Variants in RORA observed in about 807,000 individuals in gnomAD.
RORA encodes the protein nuclear receptor ROR-alpha.
A neutral mutation model predicts 69.5 loss-of-function variants in RORA; 7 were observed. The observed-to-expected ratio is 0.10, with a 90% confidence interval of 0.06 to 0.19. The LOEUF (loss-of-function observed/expected upper bound fraction) is 0.19. RORA is among the 10% of genes least tolerant of loss of function. The probability of loss-of-function intolerance (pLI) is 1.00; values close to 1 mark genes in which losing one functional copy is unlikely to be tolerated. For synonymous variants in RORA, 261 were observed against 240.8 expected (o/e 1.08, Z -0.78); for missense variants, 457 against 663.0 (o/e 0.69, Z 3.41).
At chr15:61,159,026 G>T (rs1352010614) in intron 1 of RORA, among the ~76,000 whole-genome samples, 1 of 152,142 alleles carries the variant, frequency 6.6e-6, no homozygotes, top group Non-Finnish European at 1.5e-5. Context: ...TAAATCGCAA[G>T]CATGGTGTAA....
chr15:61,101,320 T>C (rs150797557), intron 1 of RORA, among the ~76,000 whole-genome samples: 59 of 152,100 alleles, frequency 3.9e-4, no homozygotes, highest in South Asian at 2.1e-3. Context: ...ACAAAGTAAA[T>C]GGAAGCAAAG....
intron 1 of RORA, among the ~76,000 whole-genome samples, chr15:61,019,083 T>G (rs771109068): frequency 6.6e-6 from 1 of 152,218 alleles, no homozygotes; most frequent in Non-Finnish European, 1.5e-5. Context: ...CAAATGCTCT[T>G]AACATCTCCA....
chr15:60,533,415 C>T (rs570925280), intron 2 of RORA, among the ~76,000 whole-genome samples: 16 of 152,310 alleles, frequency 1.1e-4, no homozygotes, highest in African/African-American at 3.8e-4. Context: ...TTTAAGGTTG[C>T]ATTCAACAAA....
intron 1 of RORA, among the ~76,000 whole-genome samples, chr15:61,030,986 A>T (rs1235364115): frequency 6.6e-6 from 1 of 152,216 alleles, no homozygotes; most frequent in East Asian, 1.9e-4. Flanking sequence ...CATTTTAATT[A>T]AAAAACCCAG....
At chr15:60,713,902 C>T (rs2140812979) in intron 1 of RORA, among the ~76,000 whole-genome samples, 1 of 152,336 alleles carries the variant, frequency 6.6e-6, no homozygotes, top group Admixed American at 6.5e-5. Context: ...AGACTGCTGA[C>T]CCTAGCCTTT....
intron 1 of RORA, among the ~76,000 whole-genome samples, chr15:60,927,187 A>G (rs1264503586): frequency 1.3e-5 from 2 of 152,152 alleles, no homozygotes; most frequent in Admixed American, 6.5e-5. Context: ...GAAGTGCTCA[A>G]CACATGTGGA....
intron 1 of RORA, among the ~76,000 whole-genome samples, chr15:60,805,096 C>T (rs1482157391): frequency 6.6e-6 from 1 of 152,294 alleles, no homozygotes; most frequent in Middle Eastern, 3.4e-3. Context: ...ATCACTGCTT[C>T]CGCCAGTCAC....
At chr15:60,784,627 G>A (rs770208293) in intron 1 of RORA, among the ~76,000 whole-genome samples, 4 of 152,112 alleles carry the variant, frequency 2.6e-5, no homozygotes, top group African/African-American at 7.2e-5. Context: ...GTACAATATG[G>A]GTGAAATGCA....
intron 1 of RORA, among the ~76,000 whole-genome samples, chr15:61,040,676 G>C (rs1472507525): frequency 6.6e-6 from 1 of 152,122 alleles, no homozygotes; most frequent in African/African-American, 2.4e-5. Flanking sequence ...ACGTGTCACA[G>C]TACCTGGCAC....
At chr15:60,921,328 T>C (rs1892040093) in intron 1 of RORA, among the ~76,000 whole-genome samples, 1 of 152,158 alleles carries the variant, frequency 6.6e-6, no homozygotes, top group Admixed American at 6.5e-5. Context: ...ATTTCTACCG[T>C]GGAACACTAC....
chr15:61,037,177 T>C (rs1896499103), intron 1 of RORA, among the ~76,000 whole-genome samples: 1 of 152,166 alleles, frequency 6.6e-6, no homozygotes, highest in South Asian at 2.1e-4. Context: ...GAGCAATGTG[T>C]AAGAATTGAA....
chr15:60,738,669 GT>G, intron 1 of RORA, among the ~76,000 whole-genome samples: 1 of 152,308 alleles, frequency 6.6e-6, no homozygotes, highest in Admixed American at 6.5e-5. Flanking sequence ...AATTAAAATA[GT>G]TTTGTTGGTC....
intron 1 of RORA, among the ~76,000 whole-genome samples, chr15:60,786,817 C>T (rs959987222): frequency 4.6e-5 from 7 of 152,250 alleles, no homozygotes; most frequent in African/African-American, 1.4e-4. Flanking sequence ...GGATCCACAC[C>T]TCACTCAGCA....
intron 1 of RORA, among the ~76,000 whole-genome samples, chr15:60,923,778 G>A (rs1892120903): frequency 1.3e-5 from 2 of 152,122 alleles, no homozygotes; most frequent in Non-Finnish European, 2.9e-5. Flanking sequence ...ACAGATCACA[G>A]TGGCAACAAC....
chr15:60,928,163 C>G (rs562405845), intron 1 of RORA, among the ~76,000 whole-genome samples: 1 of 152,292 alleles, frequency 6.6e-6, no homozygotes, highest in African/African-American at 2.4e-5. Flanking sequence ...TTAAATGTTC[C>G]TCATAGACTC....
chr15:60,724,039 T>A (rs1476395163), intron 1 of RORA, among the ~76,000 whole-genome samples: 1 of 152,214 alleles, frequency 6.6e-6, no homozygotes, highest in Non-Finnish European at 1.5e-5. Context: ...GTGCAATCTG[T>A]ATACTGACTT....
At position 61,041,722 on chromosome 15, in the gene RORA, C is replaced by T. The variant is rs1325234199; in HGVS notation, c.166+187331G>A. Among the ~76,000 whole-genome samples, 5 of 152,284 alleles carry T rather than the reference C, an allele frequency of 3.3e-5. No individual in the cohort carries two copies. In the East Asian group the frequency reaches 9.6e-4, roughly 29 times the overall value. On this transcript the variant is annotated intron_variant, in intron 1 of 10. Transcript: ENST00000335670. ...TACAGGCGCGAGCCACCATGCCCAG[C>T]TAGTATGTTCATTTTATAGATGAGG... is the stretch of plus-strand genomic sequence containing the variant.
At chr15:60,959,986 C>T (rs559829585) in intron 1 of RORA, among the ~76,000 whole-genome samples, 1 of 152,200 alleles carries the variant, frequency 6.6e-6, no homozygotes, top group South Asian at 2.1e-4. Context: ...CTATACTTCC[C>T]TATAGCCAGT....
chr15:60,585,034 G>A (rs2068292884), intron 2 of RORA, among the ~76,000 whole-genome samples: 1 of 151,950 alleles, frequency 6.6e-6, no homozygotes, highest in South Asian at 2.1e-4. Flanking sequence ...TCCTTTACAA[G>A]CCTGGTGATT....
Sources: gnomAD v4.1 joint callset for allele counts (sites outside exome capture counted in the v4.1 genomes callset) on GRCh38, gnomAD v4.1.1 for gene constraint, MANE v1.5 for transcripts, NCBI Gene and HGNC (gene_info 2026-07-23, HGNC 2026-07-21) for gene names.